Variants in PLEKHG4B observed in about 807,000 individuals in gnomAD.
PLEKHG4B encodes the protein pleckstrin homology and RhoGEF domain containing G4B.
In PLEKHG4B, 111 loss-of-function variants were observed where a neutral mutation model predicts 121.3. The observed-to-expected ratio is 0.92, with a 90% CI of 0.78 to 1.07. The LOEUF (loss-of-function observed/expected upper bound fraction) is 1.07, where lower values mean the gene tolerates loss of function less well. Among genes scored for constraint, PLEKHG4B ranks in the 50% least tolerant of loss-of-function variants. The probability of loss-of-function intolerance (pLI) is 0.00; values close to 1 mark genes in which losing one functional copy is unlikely to be tolerated. For synonymous variants in PLEKHG4B, 738 were observed against 725.0 expected, an observed-to-expected ratio of 1.02 and a Z score of -0.29; for missense variants, 1,831 against 1,757.8, an observed-to-expected ratio of 1.04 and a Z score of -0.74.
At chr5:133,252 C>G (rs1734829725) in intron 2 of PLEKHG4B, among the ~76,000 whole-genome samples, 1 of 151,960 alleles carries the variant, frequency 6.6e-6, no homozygotes, top group Non-Finnish European at 1.5e-5. Flanking sequence ...TGTCCTGAAA[C>G]TTTGCTGAAT....
chr5:149,727 A>G lies in PLEKHG4B; in HGVS notation c.1906-1786A>G, dbSNP rs1202461179. On this transcript the variant is annotated intron_variant, in intron 6 of 19. Transcript: ENST00000637938. ...AAATGAACAAAAGACTTGAATAGAC[A>G]TTTCTCCAAAGAAGATATATATGTG... 2.0e-5 allele frequency among the ~76,000 whole-genome samples: 3 copies of G among 152,246 alleles called. No homozygotes were observed. The East Asian group carries it at 5.8e-4, about 29-fold the overall frequency.
chr5:128,474 T>TCC (rs1734685558), intron 2 of PLEKHG4B, among the ~76,000 whole-genome samples: 1 of 152,314 alleles, frequency 6.6e-6, no homozygotes, highest in East Asian at 1.9e-4. Context: ...TCAGCACTGA[T>TCC]CCACTGTATT....
intron 6 of PLEKHG4B, among the ~76,000 whole-genome samples, chr5:145,869 A>C (rs1276304273): frequency 6.6e-6 from 1 of 151,928 alleles, no homozygotes; most frequent in Non-Finnish European, 1.5e-5. Context: ...AGCTAAACCC[A>C]TTTCGCCCTT....
In PLEKHG4B at chr5:143,365, T is replaced by C; in HGVS notation, c.1688-15T>C. 1 of 1,610,736 alleles carries C rather than the reference T, an allele frequency of 6.2e-7. No individual in the cohort carries two copies. Among genetic ancestry groups the C allele is most frequent in the Non-Finnish European group, 8.5e-7 (1 of 1,178,676 alleles). ...AGTGAAGCCCTTGGCAGCTGCCCTG[T>C]CTCTGTCTCCGCAGGGACCCGAGAC... On this transcript the variant is annotated splice_polypyrimidine_tract_variant and intron_variant, in intron 4 of 19. Transcript: ENST00000637938.
At chr5:163,889 A>G (rs945064331) in intron 13 of PLEKHG4B, among the ~76,000 whole-genome samples, 4 of 152,252 alleles carry the variant, frequency 2.6e-5, no homozygotes, top group Admixed American at 2.0e-4. Context: ...AAGAAGAGTT[A>G]CCTTAAAAAT....
chr5:163,545 G>A lies in PLEKHG4B; in HGVS notation c.3473G>A (p.Gly1158Asp). The A allele has an allele frequency of 1.9e-6, 3 of 1,588,446 alleles. No homozygotes were observed. The highest frequency in any genetic ancestry group is 2.6e-6 in the Non-Finnish European group (3 of 1,167,242). The change falls in exon 13 of 20, where the codon GGC (glycine) becomes GAC (aspartate). Residue 1158 changes from glycine (G) to aspartate (D), a missense_variant. Physicochemically the swap from Gly to Asp is moderately conservative, Grantham distance 94. Transcript: ENST00000637938. ...PAEEDGRQQV[G>D]SSRLRHIMAE... ...GAGGAGGATGGGAGGCAGCAGGTGG[G>A]CAGGTGAGGTGGACGTCCCCCTCCT...
chr5:96,837 A>T (rs1162162803), intron 1 of PLEKHG4B, among the ~76,000 whole-genome samples: 1 of 152,222 alleles, frequency 6.6e-6, no homozygotes, highest in Non-Finnish European at 1.5e-5. Context: ...AATAAATACA[A>T]GGAGAGCAAC....
intron 11 of PLEKHG4B, among the ~76,000 whole-genome samples, chr5:160,241 C>T (rs1284686630): frequency 6.6e-6 from 1 of 152,230 alleles, no homozygotes; most frequent in African/African-American, 2.4e-5. Flanking sequence ...CACACGGCTC[C>T]CACACTGAAG....
chr5:181,851 G>C (rs113480801), intron 19 of PLEKHG4B, among the ~76,000 whole-genome samples, 153 bp from the exon 20 acceptor site: 1 of 152,260 alleles, frequency 6.6e-6, no homozygotes, highest in Admixed American at 6.5e-5. Flanking sequence ...CCTGCAGAGG[G>C]CACTGGGCCA....
At chr5:143,622 C>A in intron 5 of PLEKHG4B, 119 bp downstream of exon 5, 1 of 1,280,036 alleles carries the variant, frequency 7.8e-7, no homozygotes, top group Non-Finnish European at 1.1e-6. Context: ...CCTCTCCTAA[C>A]CTCATCTTTC....
In PLEKHG4B at chr5:113,011, G is replaced by A. The variant is rs924186511; in HGVS notation, c.46-240G>A. On this transcript the variant is annotated intron_variant, in intron 1 of 19. Transcript: ENST00000637938. The surrounding 1 kb of genome is among the most constrained non-coding windows in gnomAD (Gnocchi z 5.2). ...TATAGAGCCCCTGCCCCAGGACAGG[G>A]CCACGGGTCTGCCTAATGCACCTGC... 7.2e-5 allele frequency among the ~76,000 whole-genome samples: 11 copies of A among 152,124 alleles called. No individual in the cohort carries two copies. Among genetic ancestry groups the A allele is most frequent in the Non-Finnish European group, 4.4e-5 (3 of 68,008 alleles).
At chr5:128,901 G>A (rs1267470664) in intron 2 of PLEKHG4B, among the ~76,000 whole-genome samples, 1 of 152,178 alleles carries the variant, frequency 6.6e-6, no homozygotes, top group Non-Finnish European at 1.5e-5. Flanking sequence ...AGTTCAGGCC[G>A]TGACAGGGAG....
chr5:129,310 C>G (rs1579263050), intron 2 of PLEKHG4B, among the ~76,000 whole-genome samples: 2 of 152,280 alleles, frequency 1.3e-5, no homozygotes, highest in East Asian at 3.9e-4. Flanking sequence ...GCTTTATCCC[C>G]CTTTATCTTA....
chr5:142,857 G>A (rs556386287), intron 3 of PLEKHG4B, among the ~76,000 whole-genome samples, 190 bp from the exon 4 acceptor site: 148 of 152,292 alleles, frequency 9.7e-4, no homozygotes, highest in Admixed American at 1.4e-3. Flanking sequence ...CCGCGTGTCC[G>A]TGATGACGCC....
rs962786905 is a variant in PLEKHG4B at position 185,232 on chromosome 5, C to T, written c.*2909C>T. 5.3e-4 allele frequency: 81 copies of T among 152,248 alleles called. 1 individual carries two copies. The highest frequency in any genetic ancestry group is 7.2e-4 in the Non-Finnish European group (49 of 68,080). The allele number at this position is 152,248 out of a possible 1,614,324, so 9.4% of individuals were successfully genotyped here. A position where few individuals can be genotyped will look rare whatever the true frequency, so the allele number is the denominator to read the frequency against. On this transcript the variant is annotated 3_prime_UTR_variant, in exon 20 of 20. Coordinates refer to ENST00000637938, the MANE Select transcript of PLEKHG4B (RefSeq NM_052909.5). ...AGCAGCCACTGGCCATCACAGCAAA[C>T]ACAAGCAGGGCGCAGGACGCCGGCA...
chr5:142,675 C>G (rs1053844968), intron 3 of PLEKHG4B, among the ~76,000 whole-genome samples: 1 of 152,116 alleles, frequency 6.6e-6, no homozygotes, highest in Admixed American at 6.6e-5. Flanking sequence ...CTCACACAAT[C>G]ACACGTGCCA....
chr5:105,668 C>G (rs527698054), intron 1 of PLEKHG4B, among the ~76,000 whole-genome samples: 1 of 152,328 alleles, frequency 6.6e-6, no homozygotes, highest in East Asian at 1.9e-4. Flanking sequence ...TTCAGCCGTG[C>G]TGCTAGCAGC....
intron 2 of PLEKHG4B, among the ~76,000 whole-genome samples, chr5:129,520 A>G (rs2126379452): frequency 6.6e-6 from 1 of 152,356 alleles, no homozygotes; most frequent in South Asian, 2.1e-4. Context: ...CCTAAAATGT[A>G]TAAAACCAAA....
At chr5:98,300 G>A (rs571754954) in intron 1 of PLEKHG4B, among the ~76,000 whole-genome samples, 12 of 151,686 alleles carry the variant, frequency 7.9e-5, no homozygotes, top group Non-Finnish European at 1.6e-4. Context: ...GCATTCATTC[G>A]TTGAATGAAT....
Sources: allele counts gnomAD v4.1 joint callset (sites outside exome capture counted in the v4.1 genomes callset), GRCh38; gene constraint gnomAD v4.1.1; non-coding constraint Gnocchi (gnomAD v3.1); transcripts MANE v1.5; gene names NCBI Gene and HGNC (gene_info 2026-07-23, HGNC 2026-07-21).